The following ZBTB7C variants were observed in gnomAD, a reference collection of about 807,000 sequenced individuals.
The protein encoded by ZBTB7C is zinc finger and BTB domain containing 7C, also known as zinc finger and BTB domain-containing protein 7C.
A neutral mutation model predicts 25.7 loss-of-function variants in ZBTB7C; 8 were observed. That is an observed-to-expected ratio of 0.31 (90% confidence interval 0.18 to 0.56). The LOEUF (loss-of-function observed/expected upper bound fraction) is 0.56, where lower values mean the gene tolerates loss of function less well. ZBTB7C is among the 20% of genes least tolerant of loss of function. The pLI, the probability that ZBTB7C is intolerant of heterozygous loss-of-function variation, is 0.91. For synonymous variants in ZBTB7C, 394 were observed against 369.0 expected (o/e 1.07, Z -0.78); for missense variants, 824 against 855.2 (o/e 0.96, Z 0.46).
intron 3 of ZBTB7C, among the ~76,000 whole-genome samples, chr18:48,060,989 C>T (rs573635057): frequency 1.1e-4 from 17 of 152,004 alleles, no homozygotes; most frequent in African/African-American, 3.6e-4. Context: ...GTGACCAAGC[C>T]GCCATGGAGT....
At chr18:48,305,582 G>C (rs1312683029) in intron 2 of ZBTB7C, among the ~76,000 whole-genome samples, 3 of 152,190 alleles carry the variant, frequency 2.0e-5, no homozygotes, top group Non-Finnish European at 4.4e-5. Context: ...AATCCAAGTG[G>C]AGAGAATAGT....
intron 2 of ZBTB7C, among the ~76,000 whole-genome samples, chr18:48,305,608 T>A (rs2045654525): frequency 6.6e-6 from 1 of 152,218 alleles, no homozygotes. Context: ...GGGAAGATGT[T>A]AGGTAATAAT....
intron 2 of ZBTB7C, among the ~76,000 whole-genome samples, chr18:48,275,664 T>A (rs978969663): frequency 6.6e-6 from 1 of 151,794 alleles, no homozygotes; most frequent in Non-Finnish European, 1.5e-5. Context: ...ACTTTTCCCC[T>A]GCACTTGTAT....
At chr18:48,178,354 G>A (rs1284551741) in intron 3 of ZBTB7C, among the ~76,000 whole-genome samples, 2 of 152,168 alleles carry the variant, frequency 1.3e-5, no homozygotes, top group African/African-American at 4.8e-5. Flanking sequence ...GAAGCCATTC[G>A]CACTGCAGAA....
intron 2 of ZBTB7C, among the ~76,000 whole-genome samples, chr18:48,248,465 CCT>C (rs1367994484): frequency 1.3e-5 from 2 of 152,134 alleles, no homozygotes; most frequent in Non-Finnish European, 2.9e-5. Context: ...ACTGGCCCTC[CCT>C]GTCTTCCCTA....
At chr18:48,279,198 G>GA (rs926597813) in intron 2 of ZBTB7C, among the ~76,000 whole-genome samples, 4 of 152,126 alleles carry the variant, frequency 2.6e-5, no homozygotes, top group Admixed American at 6.5e-5. Flanking sequence ...TGTTCTGTGA[G>GA]AAAACTGCTC....
intron 2 of ZBTB7C, among the ~76,000 whole-genome samples, chr18:48,337,854 T>C (rs2046491321): frequency 6.6e-6 from 1 of 152,192 alleles, no homozygotes; most frequent in African/African-American, 2.4e-5. Context: ...CAGAAGCTGA[T>C]GGGGAATAAT....
At chr18:48,247,028 A>G (rs917517246) in intron 2 of ZBTB7C, among the ~76,000 whole-genome samples, 63 of 152,312 alleles carry the variant, frequency 4.1e-4, no homozygotes, top group Non-Finnish European at 8.2e-4. Context: ...TGCCTCATAT[A>G]AGGGGTTCTA....
chr18:48,086,655 AG>A (rs2038202716), intron 3 of ZBTB7C, among the ~76,000 whole-genome samples: 1 of 152,192 alleles, frequency 6.6e-6, no homozygotes, highest in Non-Finnish European at 1.5e-5. Flanking sequence ...CCTTCTCTGC[AG>A]CCTTGCAGAT....
At chr18:48,124,941 G>A (rs781602796) in intron 3 of ZBTB7C, among the ~76,000 whole-genome samples, 2 of 152,182 alleles carry the variant, frequency 1.3e-5, no homozygotes, top group Non-Finnish European at 2.9e-5. Flanking sequence ...CAAGGCAGGA[G>A]CAGCAACTGC....
At chr18:48,122,306 G>A (rs2039657427) in intron 3 of ZBTB7C, among the ~76,000 whole-genome samples, 1 of 152,172 alleles carries the variant, frequency 6.6e-6, no homozygotes, top group African/African-American at 2.4e-5. Context: ...ATGGATGGTC[G>A]ACAATTGATA....
At chr18:48,157,679 G>A (rs1008957361) in intron 3 of ZBTB7C, among the ~76,000 whole-genome samples, 1 of 152,212 alleles carries the variant, frequency 6.6e-6, no homozygotes, top group African/African-American at 2.4e-5. Flanking sequence ...GTGACGTGAG[G>A]CAAATGCTTT....
chr18:48,257,517 G>T (rs2044054246), intron 2 of ZBTB7C, among the ~76,000 whole-genome samples: 1 of 152,202 alleles, frequency 6.6e-6, no homozygotes, highest in African/African-American at 2.4e-5. Context: ...AGCTCTTCCA[G>T]AAAACTGAAG....
chr18:48,209,917 T>C (rs1479099810), intron 2 of ZBTB7C, among the ~76,000 whole-genome samples: 1 of 152,162 alleles, frequency 6.6e-6, no homozygotes, highest in Non-Finnish European at 1.5e-5. Flanking sequence ...GAAAATCATA[T>C]ATATCTGATA....
chr18:48,246,385 A>C (rs944106732), intron 2 of ZBTB7C, among the ~76,000 whole-genome samples: 1 of 151,872 alleles, frequency 6.6e-6, no homozygotes, highest in Non-Finnish European at 1.5e-5. Flanking sequence ...AGCTGAGATC[A>C]CACCACTGCA....
intron 1 of ZBTB7C, among the ~76,000 whole-genome samples, chr18:48,364,600 G>T (rs552061906): frequency 6.6e-6 from 1 of 152,172 alleles, no homozygotes; most frequent in Admixed American, 6.5e-5. Flanking sequence ...GAAGGCTGAG[G>T]TCAGATTGAT....
At position 48,120,252 on chromosome 18, in the gene ZBTB7C, C is replaced by T. The variant is rs139734670; in HGVS notation, c.-17+65682G>A. 3.2e-3 allele frequency among the ~76,000 whole-genome samples: 486 copies of T among 152,180 alleles called. 1 individual carries two copies. The highest frequency in any genetic ancestry group is 3.6e-3 in the Non-Finnish European group (245 of 67,996). On this transcript the variant is annotated intron_variant, in intron 3 of 4. Coordinates refer to ENST00000590800, the MANE Select transcript of ZBTB7C (RefSeq NM_001318841.2). ...GGGGAGAAACTGTGTGGGAAGGCTC[C>T]GAGCAGAAGCAGGGTGACAGGAGAT... is the stretch of plus-strand genomic sequence containing the variant.
chr18:48,167,151 C>A (rs2041277560), intron 3 of ZBTB7C, among the ~76,000 whole-genome samples: 1 of 152,198 alleles, frequency 6.6e-6, no homozygotes, highest in African/African-American at 2.4e-5. Flanking sequence ...CCTTCCTCCA[C>A]CCTTCCAGGG....
chr18:48,373,725 G>T (rs751127286), intron 1 of ZBTB7C, among the ~76,000 whole-genome samples: 1 of 152,210 alleles, frequency 6.6e-6, no homozygotes, highest in Admixed American at 6.5e-5. Context: ...ACTTTGGGAG[G>T]TCAAGGCGGG....
Sources: allele counts gnomAD v4.1 joint callset (sites outside exome capture counted in the v4.1 genomes callset), GRCh38; gene constraint gnomAD v4.1.1; transcripts MANE v1.5; gene names NCBI Gene and HGNC (gene_info 2026-07-23, HGNC 2026-07-21).